The following GABRB1 variants were observed in gnomAD, a reference collection of about 807,000 sequenced individuals.
The protein encoded by GABRB1 is gamma-aminobutyric acid type A receptor subunit beta1.
Under a neutral mutation model 51.6 loss-of-function variants are expected in GABRB1, and 17 were observed. That is an observed-to-expected ratio of 0.33 (90% CI 0.23 to 0.49). GABRB1 has a LOEUF of 0.49. Ranked by LOEUF, GABRB1 falls within the 20% of genes least tolerant of loss-of-function variation. The probability of loss-of-function intolerance (pLI) is 0.99; values close to 1 mark genes in which losing one functional copy is unlikely to be tolerated. For synonymous variants in GABRB1, 247 were observed against 218.9 expected (o/e 1.13, Z -1.14); for missense variants, 410 against 600.6 (o/e 0.68, Z 3.32).
intron 4 of GABRB1, among the ~76,000 whole-genome samples, chr4:47,205,296 G>T (rs1015953735): frequency 2.6e-5 from 4 of 152,120 alleles, no homozygotes; most frequent in Non-Finnish European, 4.4e-5. Context: ...GAAGACAAAA[G>T]TTGCCTCTTT....
intron 5 of GABRB1, among the ~76,000 whole-genome samples, chr4:47,370,412 G>A (rs1727146353): frequency 6.6e-6 from 1 of 151,436 alleles, no homozygotes; most frequent in South Asian, 2.1e-4. Flanking sequence ...GCTTGAGCCT[G>A]GAAAGCGGAA....
intron 3 of GABRB1, among the ~76,000 whole-genome samples, chr4:47,140,180 G>A (rs1238903717): frequency 1.3e-5 from 2 of 150,736 alleles, no homozygotes; most frequent in East Asian, 1.9e-4. Context: ...AACTTAAGGG[G>A]AAGCACAAAT....
At chr4:46,998,331 A>T (rs1174796797) in intron 1 of GABRB1, among the ~76,000 whole-genome samples, 1 of 152,224 alleles carries the variant, frequency 6.6e-6, no homozygotes, top group African/African-American at 2.4e-5. Context: ...AAGACAATGT[A>T]TCAATATTTA....
intron 4 of GABRB1, among the ~76,000 whole-genome samples, chr4:47,280,068 T>C (rs1646031981): frequency 6.6e-6 from 1 of 152,118 alleles, no homozygotes; most frequent in Non-Finnish European, 1.5e-5. Context: ...TTCTTTATTG[T>C]TGCTTTTTTT....
chr4:47,065,286 C>G (rs1279630671), intron 3 of GABRB1, among the ~76,000 whole-genome samples: 2 of 152,204 alleles, frequency 1.3e-5, no homozygotes, highest in East Asian at 3.8e-4. Context: ...TCATCTCTTG[C>G]ATAATAAAGA....
intron 4 of GABRB1, among the ~76,000 whole-genome samples, chr4:47,316,214 T>C (rs192281425): frequency 8.6e-5 from 13 of 151,992 alleles, no homozygotes; most frequent in Admixed American, 6.6e-4. Flanking sequence ...GTAATTAATA[T>C]ACTATATGCT....
chr4:47,191,907 T>A (rs975790366), intron 4 of GABRB1, among the ~76,000 whole-genome samples: 2 of 152,034 alleles, frequency 1.3e-5, no homozygotes, highest in African/African-American at 4.8e-5. Flanking sequence ...CAATGCAAAA[T>A]TATCTCCCGC....
At chr4:47,099,228 C>T (rs371878240) in intron 3 of GABRB1, among the ~76,000 whole-genome samples, 10 of 152,224 alleles carry the variant, frequency 6.6e-5, no homozygotes, top group East Asian at 3.9e-4. Context: ...CACATCAAGA[C>T]GGCAAAGAGT....
chr4:47,384,208 A>G (rs1727697443), intron 5 of GABRB1, among the ~76,000 whole-genome samples: 1 of 152,120 alleles, frequency 6.6e-6, no homozygotes, highest in African/African-American at 2.4e-5. Flanking sequence ...AACTCTTTCC[A>G]TATATAATCT....
intron 3 of GABRB1, among the ~76,000 whole-genome samples, chr4:47,126,917 ATCTATT>A (rs1181026253): frequency 1.3e-5 from 2 of 152,114 alleles, no homozygotes; most frequent in East Asian, 3.9e-4. Flanking sequence ...ATATATGCAT[ATCTATT>A]TCTATCTTTT....
intron 4 of GABRB1, among the ~76,000 whole-genome samples, chr4:47,217,618 C>A (rs1189557523): frequency 2.0e-5 from 3 of 151,250 alleles, no homozygotes; most frequent in Admixed American, 6.6e-5. Context: ...GAAATAGATT[C>A]TCTCATACTC....
chr4:47,234,268 A>G (rs911872516), intron 4 of GABRB1, among the ~76,000 whole-genome samples: 3 of 152,148 alleles, frequency 2.0e-5, no homozygotes, highest in Non-Finnish European at 4.4e-5. Flanking sequence ...CGGGTGGATC[A>G]CCTGAGGTCA....
At chr4:47,162,143 TG>T (rs35807565) in intron 4 of GABRB1, among the ~76,000 whole-genome samples, 1 of 152,104 alleles carries the variant, frequency 6.6e-6, no homozygotes, top group Non-Finnish European at 1.5e-5. Context: ...TAAAAGTCTT[TG>T]GGAGAAATGG....
At chr4:47,103,024 GT>G (rs1376006278) in intron 3 of GABRB1, among the ~76,000 whole-genome samples, 1 of 151,982 alleles carries the variant, frequency 6.6e-6, no homozygotes, top group Non-Finnish European at 1.5e-5. Context: ...TGGATGAGTT[GT>G]TGTGCATTCT....
At chr4:47,139,514 C>G (rs1393936296) in intron 3 of GABRB1, among the ~76,000 whole-genome samples, 1 of 151,378 alleles carries the variant, frequency 6.6e-6, no homozygotes, top group Non-Finnish European at 1.5e-5. Context: ...CTCAAGCCTG[C>G]CATTTGAATC....
chr4:47,024,134 CTCCTAGTAGTTTGTTCTT>C (rs1210029378), intron 1 of GABRB1, among the ~76,000 whole-genome samples: 46 of 151,776 alleles, frequency 3.0e-4, no homozygotes, highest in African/African-American at 9.9e-4. Flanking sequence ...TTTTTGTTTT[CTCCTAGTAGTTTGTTCTT>C]TCCTAGTAGT....
chr4:47,105,189 C>A (rs1449369975), intron 3 of GABRB1, among the ~76,000 whole-genome samples: 1 of 152,078 alleles, frequency 6.6e-6, no homozygotes, highest in Non-Finnish European at 1.5e-5. Context: ...TTTGTCTAGT[C>A]TTACCTCACA....
At chr4:47,213,048 C>T (rs563487564) in intron 4 of GABRB1, among the ~76,000 whole-genome samples, 23 of 152,128 alleles carry the variant, frequency 1.5e-4, no homozygotes, top group South Asian at 4.1e-4. Flanking sequence ...TTGCTGCTTT[C>T]ACTCACCTTA....
intron 4 of GABRB1, among the ~76,000 whole-genome samples, chr4:47,190,510 C>T (rs1467246457): frequency 1.3e-5 from 2 of 152,128 alleles, no homozygotes; most frequent in African/African-American, 4.8e-5. Flanking sequence ...CTACACATAT[C>T]CTTTATCTGT....
Sources: allele counts gnomAD v4.1 joint callset (sites outside exome capture counted in the v4.1 genomes callset), GRCh38; gene constraint gnomAD v4.1.1; transcripts MANE v1.5; gene names NCBI Gene and HGNC (gene_info 2026-07-23, HGNC 2026-07-21).